Variants in SLC22A9 observed in about 807,000 individuals in gnomAD.
The protein encoded by SLC22A9 is organic anion transporter 7.
In SLC22A9, 64 loss-of-function variants were observed where a neutral mutation model predicts 50.1. The ratio of observed to expected loss-of-function variants is 1.28; its 90% CI spans 1.04 to 1.57. The LOEUF (loss-of-function observed/expected upper bound fraction) is 1.57. Among genes scored for constraint, SLC22A9 ranks in the 40% most tolerant of loss-of-function variants. The pLI is 0.00. For synonymous variants in SLC22A9, 261 were observed against 242.5 expected, an observed-to-expected ratio of 1.08 and a Z score of -0.71; for missense variants, 757 against 676.1, an observed-to-expected ratio of 1.12 and a Z score of -1.33.
intron 8 of SLC22A9, among the ~76,000 whole-genome samples, 182 bp downstream of exon 8, chr11:63,408,402 T>C (rs1043122052): frequency 3.9e-5 from 6 of 152,214 alleles, no homozygotes; most frequent in African/African-American, 9.6e-5. Flanking sequence ...ATTAAGTCCT[T>C]TGATGTATTA....
At chr11:63,383,638 C>T (rs1565184001) in intron 6 of SLC22A9, among the ~76,000 whole-genome samples, 2 of 152,056 alleles carry the variant, frequency 1.3e-5, no homozygotes, top group African/African-American at 4.8e-5. Flanking sequence ...AACAGAGAAA[C>T]ATGACTCAAA....
At chr11:63,406,781 C>G in intron 7 of SLC22A9, 70 bp downstream of exon 7, 2 of 1,491,862 alleles carry the variant, frequency 1.3e-6, no homozygotes, top group Non-Finnish European at 1.8e-6. Flanking sequence ...ACTTGTCACA[C>G]CTATCTGAAG....
Position 63,370,326 on chromosome 11 carries a change from C to A in SLC22A9, c.270C>A (p.Arg90=). 1 of 1,614,000 alleles carries A rather than the reference C, an allele frequency of 6.2e-7. No homozygotes were observed. The highest frequency in any genetic ancestry group is 8.5e-7 in the Non-Finnish European group (1 of 1,179,902). Residue 90 remains arginine (R), a synonymous_variant, in exon 1 of 10, where the codon CGC becomes CGA. Transcript: ENST00000279178. ...DSNMRPEKCR[R]FVHPQWQLLH... ...ACATGAGGCCAGAGAAGTGTCGTCGCTTTGTTCATCCTCAGTGGCAGCTCC... is the reference window on the plus strand; with the variant it reads ...ACATGAGGCCAGAGAAGTGTCGTCGATTTGTTCATCCTCAGTGGCAGCTCC...
intron 6 of SLC22A9, among the ~76,000 whole-genome samples, chr11:63,405,289 CAA>C (rs1452915224): frequency 6.6e-6 from 1 of 152,084 alleles, no homozygotes; most frequent in Non-Finnish European, 1.5e-5. Context: ...AGAGATGACT[CAA>C]AGTTATCTCT....
At chr11:63,381,286 T>G (rs1318850040) in intron 5 of SLC22A9, among the ~76,000 whole-genome samples, 4 of 152,172 alleles carry the variant, frequency 2.6e-5, no homozygotes, top group African/African-American at 9.6e-5. Flanking sequence ...ATATTTAAAG[T>G]GGTTAGGACC....
intron 2 of SLC22A9, among the ~76,000 whole-genome samples, chr11:63,372,073 A>C (rs1232706396): frequency 6.6e-6 from 1 of 152,160 alleles, no homozygotes; most frequent in African/African-American, 2.4e-5. Context: ...GTCCTCTGTG[A>C]TACTGTCCTG....
intron 2 of SLC22A9, among the ~76,000 whole-genome samples, chr11:63,372,112 G>T (rs535946718): frequency 3.9e-5 from 6 of 152,280 alleles, no homozygotes; most frequent in South Asian, 2.1e-4. Flanking sequence ...AATTTTAATA[G>T]ATCACAGGGT....
At chr11:63,407,595 C>T (rs2015062297) in intron 7 of SLC22A9, among the ~76,000 whole-genome samples, 1 of 152,128 alleles carries the variant, frequency 6.6e-6, no homozygotes. Flanking sequence ...GTCCTTATTC[C>T]TAATCCTTAA....
chr11:63,409,050 C>G (rs1299507929), intron 9 of SLC22A9, among the ~76,000 whole-genome samples, 171 bp downstream of exon 9: 1 of 152,088 alleles, frequency 6.6e-6, no homozygotes, highest in Non-Finnish European at 1.5e-5. Context: ...CCCACAGTGA[C>G]CTCAGACACC....
rs1216569923 is a variant in SLC22A9, at chr11:63,373,944, A to C, written c.712A>C (p.Met238Leu). 1 of 1,613,660 alleles carries C rather than the reference A, an allele frequency of 6.2e-7. No individual in the cohort carries two copies. The highest frequency in any genetic ancestry group is 1.1e-5 in the South Asian group (1 of 91,060). ...RFQAMGITLGMCPSGIAFMTL... is the reference protein window; with the variant it reads ...RFQAMGITLGLCPSGIAFMTL... ...CCAGGCCATGGGAATTACATTGGGA[A>C]TGTGCCCTTCTGGTATTGCATTTAT... The change falls in exon 4 of 10, where the codon ATG (methionine) becomes CTG (leucine). Residue 238 changes from methionine to leucine, a missense_variant. Met to Leu is a conservative substitution (Grantham distance 15, BLOSUM62 2). Coordinates refer to ENST00000279178, the MANE Select transcript of SLC22A9 (RefSeq NM_080866.3).
chr11:63,370,534 A>C (rs1312933666), intron 1 of SLC22A9, 76 bp downstream of exon 1: 2 of 1,484,378 alleles, frequency 1.3e-6, no homozygotes, highest in Non-Finnish European at 1.8e-6. Flanking sequence ...TCATGCTTCC[A>C]GCCTTCAGTC....
At chr11:63,397,585 C>T (rs2014881270) in intron 6 of SLC22A9, among the ~76,000 whole-genome samples, 1 of 152,074 alleles carries the variant, frequency 6.6e-6, no homozygotes, top group Non-Finnish European at 1.5e-5. Flanking sequence ...AGCTGGCACC[C>T]AAGGCACAAA....
At chr11:63,389,264 A>G (rs1410761865) in intron 6 of SLC22A9, among the ~76,000 whole-genome samples, 1 of 151,894 alleles carries the variant, frequency 6.6e-6, no homozygotes, top group East Asian at 1.9e-4. Flanking sequence ...TGCTGCACCT[A>G]TCAACCCGTC....
At chr11:63,405,560 T>C (rs2015022953) in intron 6 of SLC22A9, among the ~76,000 whole-genome samples, 1 of 152,062 alleles carries the variant, frequency 6.6e-6, no homozygotes, top group Non-Finnish European at 1.5e-5. Context: ...TAAAAATAGG[T>C]TTCCTTGTTG....
rs756292840 is a variant in SLC22A9 at position 63,374,064 on chromosome 11, T to A, written c.830+2T>A. On this transcript the variant is annotated splice_donor_variant, in intron 4 of 9. Coordinates refer to ENST00000279178, the MANE Select transcript of SLC22A9 (RefSeq NM_080866.3). LOFTEE classifies it high-confidence loss of function. ...CTTTGTGATCTTTCTGACCTCAAGG[T>A]ATGAGTTTGTTTCTTCTTTTGTCTT... 2 of 1,602,770 alleles carry A rather than the reference T, an allele frequency of 1.2e-6. No individual in the cohort carries two copies. The highest frequency in any genetic ancestry group is 2.7e-5 in the African/African-American group (2 of 74,464).
At chr11:63,389,122 T>C (rs1049862538) in intron 6 of SLC22A9, among the ~76,000 whole-genome samples, 1 of 152,158 alleles carries the variant, frequency 6.6e-6, no homozygotes, top group African/African-American at 2.4e-5. Flanking sequence ...TTAATTTTAT[T>C]GATCATCTGT....
At chr11:63,399,138 T>A (rs1266340085) in intron 6 of SLC22A9, among the ~76,000 whole-genome samples, 3 of 152,064 alleles carry the variant, frequency 2.0e-5, no homozygotes, top group African/African-American at 7.2e-5. Context: ...AGGAAGAAGG[T>A]ATATAGAGGA....
At chr11:63,395,645 C>T (rs190589840) in intron 6 of SLC22A9, among the ~76,000 whole-genome samples, 3 of 152,252 alleles carry the variant, frequency 2.0e-5, no homozygotes, top group Non-Finnish European at 4.4e-5. Context: ...TGACTCTATG[C>T]AGGTTCTTAG....
At chr11:63,371,094 G>C (rs1445250184) in intron 1 of SLC22A9, 41 bp from the exon 2 acceptor site, 3 of 1,428,306 alleles carry the variant, frequency 2.1e-6, no homozygotes, top group Admixed American at 1.7e-5. Flanking sequence ...GTTACACTGA[G>C]GGGTAATAAG....
Sources: allele counts gnomAD v4.1 joint callset (sites outside exome capture counted in the v4.1 genomes callset), GRCh38; gene constraint gnomAD v4.1.1; transcripts MANE v1.5; gene names NCBI Gene and HGNC (gene_info 2026-07-23, HGNC 2026-07-21).